PUDP: variants seen among roughly 807,000 people sequenced by gnomAD.
The protein encoded by PUDP is pseudouridine-5'-phosphatase.
Under a neutral mutation model 9.4 loss-of-function variants are expected in PUDP, and 8 were observed. The observed-to-expected ratio is 0.85, with a 90% CI of 0.50 to 1.53. The LOEUF (loss-of-function observed/expected upper bound fraction) is 1.53, where lower values mean the gene tolerates loss of function less well. Among genes scored for constraint, PUDP ranks in the 40% most tolerant of loss-of-function variants. The probability of loss-of-function intolerance (pLI) is 0.00; values close to 1 mark genes in which losing one functional copy is unlikely to be tolerated. For missense variants in PUDP, 188 were observed against 189.7 expected, an observed-to-expected ratio of 0.99 and a Z score of 0.05; for synonymous variants, 99 against 80.7, an observed-to-expected ratio of 1.23 and a Z score of -1.22.
intron 3 of PUDP, among the ~76,000 whole-genome samples, chrX:6,769,013 A>G (rs1248135779): frequency 2.7e-5 from 3 of 112,010 alleles, no homozygotes; most frequent in Non-Finnish European, 5.6e-5. Context: ...TTTTGTACAT[A>G]GAGAAGGCGC....
chrX:6,999,720 C>G (rs753975390), intron 1 of PUDP, among the ~76,000 whole-genome samples: 8 of 109,390 alleles, frequency 7.3e-5, no homozygotes, highest in Non-Finnish European at 1.3e-4. Flanking sequence ...CAAAATCTCA[C>G]AAAGCACCAC....
At chrX:6,900,040 G>A (rs1041357294) in intron 3 of PUDP, among the ~76,000 whole-genome samples, 50 of 110,483 alleles carry the variant, frequency 4.5e-4, no homozygotes, top group Non-Finnish European at 8.7e-4. Flanking sequence ...TAGTGAGACC[G>A]TGTCTTTACA....
chrX:7,073,055 CCT>C (rs1930791698), intron 3 of PUDP, among the ~76,000 whole-genome samples: 1 of 110,604 alleles, frequency 9.0e-6, no homozygotes, highest in Non-Finnish European at 1.9e-5. Context: ...ACATGGAGGC[CCT>C]CTACCCACTG....
intron 1 of PUDP, among the ~76,000 whole-genome samples, chrX:6,999,993 T>C (rs1375494607): frequency 1.8e-5 from 2 of 110,274 alleles, no homozygotes; most frequent in African/African-American, 3.3e-5. Flanking sequence ...AATCAAGACA[T>C]TGTGTATCCA....
chrX:6,851,198 G>C (rs1926821899), intron 3 of PUDP, among the ~76,000 whole-genome samples: 1 of 112,046 alleles, frequency 8.9e-6, no homozygotes. Context: ...GAAGAGGGAG[G>C]AGAATTTGCA....
intron 3 of PUDP, among the ~76,000 whole-genome samples, chrX:6,763,002 A>G (rs1925245184): frequency 8.9e-6 from 1 of 112,726 alleles, no homozygotes; most frequent in Non-Finnish European, 1.9e-5. Flanking sequence ...GCCAGTATTA[A>G]TAAACCACAG....
chrX:6,736,352 C>G (rs984198430), intron 3 of PUDP, among the ~76,000 whole-genome samples: 2 of 111,623 alleles, frequency 1.8e-5, no homozygotes, highest in African/African-American at 6.5e-5. Flanking sequence ...GTCCTAATAC[C>G]TGGAACCAGG....
chrX:7,143,384 T>C (rs1178279410), intron 1 of PUDP, among the ~76,000 whole-genome samples: 3 of 111,929 alleles, frequency 2.7e-5, no homozygotes, highest in African/African-American at 9.8e-5. Flanking sequence ...AATAAAACCA[T>C]ATTGCTTTTA....
chrX:6,824,168 T>C (rs1008899008), intron 3 of PUDP, among the ~76,000 whole-genome samples: 1 of 111,731 alleles, frequency 9.0e-6, no homozygotes, highest in African/African-American at 3.3e-5. Context: ...GTTCTTGTGA[T>C]AGTGAGTGGG....
chrX:6,753,846 T>C, intron 3 of PUDP, among the ~76,000 whole-genome samples: 1 of 112,028 alleles, frequency 8.9e-6, no homozygotes, highest in Non-Finnish European at 1.9e-5. Context: ...TGTTGATTTG[T>C]TTGAGTTCAT....
At chrX:7,132,819 A>G (rs1297041939) in intron 1 of PUDP, among the ~76,000 whole-genome samples, 2 of 111,555 alleles carry the variant, frequency 1.8e-5, no homozygotes, top group Non-Finnish European at 3.8e-5. Flanking sequence ...ATGCAAATAC[A>G]CCTGGGCCCC....
At chrX:6,748,584 T>C (rs1418024455) in intron 3 of PUDP, among the ~76,000 whole-genome samples, 1 of 111,392 alleles carries the variant, frequency 9.0e-6, no homozygotes, top group Non-Finnish European at 1.9e-5. Context: ...TAACACTTTC[T>C]ACTCCTTTGA....
chrX:6,932,636 C>A (rs1253635659), intron 3 of PUDP, among the ~76,000 whole-genome samples: 2 of 109,503 alleles, frequency 1.8e-5, no homozygotes, highest in South Asian at 3.9e-4. Flanking sequence ...AGTGGGTGCG[C>A]GCACCGTGCG....
At chrX:7,091,537 C>T (rs1398200935) in intron 2 of PUDP, among the ~76,000 whole-genome samples, 3 of 111,493 alleles carry the variant, frequency 2.7e-5, no homozygotes, top group Non-Finnish European at 5.6e-5. Context: ...GACAGGGTTT[C>T]ACCATGTTGG....
chrX:6,879,133 G>A (rs1376385097), intron 3 of PUDP, among the ~76,000 whole-genome samples: 4 of 111,490 alleles, frequency 3.6e-5, no homozygotes, highest in Admixed American at 9.6e-5. Context: ...CTCAATCACT[G>A]GAGAAGTCTA....
intron 3 of PUDP, among the ~76,000 whole-genome samples, chrX:6,749,547 G>A (rs568737340): frequency 2.7e-5 from 3 of 112,008 alleles, no homozygotes; most frequent in South Asian, 3.8e-4. Flanking sequence ...CTATGCCTAC[G>A]TCAGGGAAGA....
At chrX:6,977,149 T>C (rs1928967967) in exon 3 of PUDP, among the ~76,000 whole-genome samples, 1 of 112,052 alleles carries the variant, frequency 8.9e-6, no homozygotes, top group African/African-American at 3.2e-5. Context: ...CTCAAGTGTC[T>C]CTTCTGCAAA....
At chrX:6,924,744 A>G (rs1928075583) in intron 3 of PUDP, among the ~76,000 whole-genome samples, 1 of 112,297 alleles carries the variant, frequency 8.9e-6, no homozygotes, top group Non-Finnish European at 1.9e-5. Context: ...TTTGGATTTG[A>G]GGATTAGGGA....
At chrX:6,826,030 T>C (rs1371259845) in intron 3 of PUDP, among the ~76,000 whole-genome samples, 2 of 111,739 alleles carry the variant, frequency 1.8e-5, no homozygotes, top group Non-Finnish European at 3.8e-5. Context: ...ACAATTCTCA[T>C]TGTCTTTGCA....
Sources: gnomAD v4.1 joint callset for allele counts (sites outside exome capture counted in the v4.1 genomes callset) on GRCh38, gnomAD v4.1.1 for gene constraint, MANE v1.5 for transcripts, NCBI Gene and HGNC (gene_info 2026-07-23, HGNC 2026-07-21) for gene names.